Variants in AKAP1 observed in about 807,000 individuals in gnomAD.
AKAP1 encodes the protein A-kinase anchoring protein 1.
A neutral mutation model predicts 79.8 loss-of-function variants in AKAP1; 32 were observed. The ratio of observed to expected loss-of-function variants is 0.40; its 90% confidence interval spans 0.30 to 0.54. The LOEUF (loss-of-function observed/expected upper bound fraction) is 0.54. Among genes scored for constraint, AKAP1 ranks in the 20% least tolerant of loss-of-function variants. The probability of loss-of-function intolerance (pLI) is 0.47; values close to 1 mark genes in which losing one functional copy is unlikely to be tolerated. For missense variants in AKAP1, 961 were observed against 1,138.9 expected, an observed-to-expected ratio of 0.84 and a Z score of 2.25; for synonymous variants, 416 against 466.7, an observed-to-expected ratio of 0.89 and a Z score of 1.40.
intron 5 of AKAP1, among the ~76,000 whole-genome samples, chr17:57,113,710 A>T (rs1021619731): frequency 1.1e-4 from 16 of 143,106 alleles, no homozygotes; most frequent in Non-Finnish European, 2.2e-4. Flanking sequence ...TCAAACGATT[A>T]TCCTGCCCCA....
In AKAP1 at chr17:57,114,543, C is replaced by A. The variant is rs759207365; in HGVS notation, c.2188C>A (p.His730Asn). 6.2e-7 allele frequency: 1 copy of A among 1,614,234 alleles called. No individual in the cohort carries two copies. ...GCACCTGTTCGTGCAGCAGCACACA[C>A]ACCCTACCTTCCACGCGCTGCGCAG... ...AGHLFVQQHT[H>N]PTFHALRSLD... Residue 730 changes from histidine to asparagine, a missense_variant, in exon 6 of 11, where the codon CAC (histidine) becomes AAC (asparagine). By Grantham distance (68) the His-to-Asn change is moderately conservative. Around this residue, in one of 3 missense-constraint regions of AKAP1, gnomAD observed 629 missense variants for 781.1 expected, o/e 0.81. Coordinates refer to ENST00000337714, the MANE Select transcript of AKAP1 (RefSeq NM_003488.4).
At chr17:57,100,402 A>G (rs992339086) in intron 1 of AKAP1, among the ~76,000 whole-genome samples, 3 of 151,210 alleles carry the variant, frequency 2.0e-5, no homozygotes, top group African/African-American at 7.3e-5. Context: ...CCTGGCCAAC[A>G]TGGTGTGAAA....
In AKAP1 at chr17:57,096,974, A is replaced by G. The variant is rs143443028; in HGVS notation, c.-24-8467A>G. 1.7e-3 allele frequency among the ~76,000 whole-genome samples: 260 copies of G among 152,128 alleles called. 1 individual carries two copies. The highest frequency in any genetic ancestry group is 6.1e-3 in the African/African-American group (254 of 41,504). On this transcript the variant is annotated intron_variant, in intron 1 of 10. Transcript: ENST00000337714. The stretch of plus-strand genomic sequence containing the variant: ...ATGACTAAGTGGCTGCCAGTATTGG[A>G]TAGCAGTCACTCTTGAGGGTCACCG...
rs567021364 is a variant in AKAP1, at chr17:57,109,069, C to T, written c.1715-956C>T. 5.3e-5 allele frequency among the ~76,000 whole-genome samples: 8 copies of T among 152,298 alleles called. No individual in the cohort carries two copies. The South Asian group carries it at 1.5e-3, about 28-fold the overall frequency. ...TAGCTGGGAGCAGGATCTCTTGGGC[C>T]TTAGTTCTCTGCATCCAGTGTATGG... On this transcript the variant is annotated intron_variant, in intron 2 of 10. Coordinates refer to ENST00000337714, the MANE Select transcript of AKAP1 (RefSeq NM_003488.4).
At chr17:57,110,202 G>A in intron 3 of AKAP1, 44 bp downstream of exon 3, 6 of 1,607,792 alleles carry the variant, frequency 3.7e-6, no homozygotes, top group Non-Finnish European at 5.1e-6. Flanking sequence ...TAAGCCCAAA[G>A]CTCCCTGGGG....
rs929690178 is a variant in AKAP1, at chr17:57,106,461, A to G, written c.997A>G (p.Arg333Gly). 1.2e-6 allele frequency: 2 copies of G among 1,608,990 alleles called. No individual in the cohort carries two copies. Among genetic ancestry groups the G allele is most frequent in the Non-Finnish European group, 1.7e-6 (2 of 1,175,808 alleles). Reference sequence around the variant, plus strand: ...GGATAGAAATGAGGAGAGCTTGGATAGAAATGAGGAGGGCTTGGATAGAAA... The same window carrying G: ...GGATAGAAATGAGGAGAGCTTGGATGGAAATGAGGAGGGCTTGGATAGAAA... ...GLDRNEESLDRNEEGLDRNEE... is the reference protein window; with the variant it reads ...GLDRNEESLDGNEEGLDRNEE... Residue 333 changes from arginine (R) to glycine (G), a missense_variant, in exon 2 of 11, where the codon AGA becomes GGA. Transcript: ENST00000337714.
rs752533000 is a variant in AKAP1, at chr17:57,106,375, T to G, written c.911T>G (p.Leu304Arg). The change falls in exon 2 of 11, where the codon CTG becomes CGG. Residue 304 changes from leucine to arginine, a missense_variant. Leu to Arg is a moderately radical substitution (Grantham distance 102). This residue lies in a region of AKAP1 where 629 missense variants were observed against 781.1 expected (regional missense o/e 0.81). Transcript: ENST00000337714. ...CAGGATAGAGGTGTCGAGGGAGAAC[T>G]GGGCAATGAGGAGAGCTTGGATAGA... The part of the protein sequence containing the change: ...KAQDRGVEGE[L>R]GNEESLDRNE... 1.2e-6 allele frequency: 2 copies of G among 1,613,430 alleles called. No homozygotes were observed. Among genetic ancestry groups the G allele is most frequent in the Admixed American group, 3.3e-5 (2 of 59,960 alleles).
rs938184253 is a variant in AKAP1 at position 57,086,268 on chromosome 17, G to A, written c.-25+870G>A. On this transcript the variant is annotated intron_variant, in intron 1 of 10. Coordinates refer to ENST00000337714, the MANE Select transcript of AKAP1 (RefSeq NM_003488.4). The surrounding 1 kb of genome is among the most constrained non-coding windows in gnomAD (Gnocchi z 5.1). ...CTGGAGGGACCGCGCCAGTTTTGGG[G>A]TTACGATGTGCTAGGAGAGGCAGTG... 2 of 357,148 alleles carry A rather than the reference G, an allele frequency of 5.6e-6. No individual in the cohort carries two copies. The highest frequency in any genetic ancestry group is 4.4e-5 in the African/African-American group (2 of 45,930). The allele number at this position is 357,148 out of a possible 1,614,324, so 22.1% of individuals were successfully genotyped here. A position where few individuals can be genotyped will look rare whatever the true frequency, so the allele number is the denominator to read the frequency against.
rs1367545978 is a variant in AKAP1, at chr17:57,106,862, A to G, written c.1398A>G (p.Ala466=). 5.0e-6 allele frequency: 8 copies of G among 1,614,054 alleles called. No homozygotes were observed. The highest frequency in any genetic ancestry group is 6.8e-6 in the Non-Finnish European group (8 of 1,179,924). Residue 466 remains alanine (A), a synonymous_variant, in exon 2 of 11, where the codon GCA becomes GCG. Transcript: ENST00000337714. The part of the protein sequence containing the change: ...AHHISLASCL[A]LTTPSEELPD... ...ACATCTCCCTGGCCTCCTGCCTGGCACTGACCACCCCCAGTGAAGAGTTGC... is the reference window on the plus strand; with the variant it reads ...ACATCTCCCTGGCCTCCTGCCTGGCGCTGACCACCCCCAGTGAAGAGTTGC...
Position 57,106,374 on chromosome 17 carries a change from C to A in AKAP1, c.910C>A (p.Leu304Met), listed in dbSNP as rs1219370158. Reference protein sequence around the residue: ...KAQDRGVEGELGNEESLDRNE... With the variant: ...KAQDRGVEGEMGNEESLDRNE... ...CCAGGATAGAGGTGTCGAGGGAGAA[C>A]TGGGCAATGAGGAGAGCTTGGATAG... The change falls in exon 2 of 11, where the codon CTG becomes ATG. Residue 304 changes from leucine (L) to methionine (M), a missense_variant. Around this residue, in one of 3 missense-constraint regions of AKAP1, gnomAD observed 629 missense variants for 781.1 expected, o/e 0.81. Coordinates refer to ENST00000337714, the MANE Select transcript of AKAP1 (RefSeq NM_003488.4). 3 of 1,613,754 alleles carry A rather than the reference C, an allele frequency of 1.9e-6. No homozygotes were observed. Among genetic ancestry groups the A allele is most frequent in the East Asian group, 4.5e-5 (2 of 44,842 alleles).
intron 10 of AKAP1, 139 bp downstream of exon 10, chr17:57,119,183 G>A: frequency 1.1e-6 from 1 of 901,912 alleles, no homozygotes; most frequent in East Asian, 2.4e-5. Context: ...GAACACTTTG[G>A]ATGTCCTGAT....
chr17:57,117,246 C>T (rs919161186), intron 8 of AKAP1, among the ~76,000 whole-genome samples: 24 of 152,122 alleles, frequency 1.6e-4, no homozygotes, highest in Admixed American at 9.8e-4. Flanking sequence ...TGGTTGAGGG[C>T]GTGCTGGTCA....
intron 1 of AKAP1, among the ~76,000 whole-genome samples, chr17:57,089,443 CTAAT>C (rs1418609253): frequency 9.2e-5 from 14 of 152,224 alleles, no homozygotes; most frequent in African/African-American, 3.4e-4. Flanking sequence ...AGCTGTGTGA[CTAAT>C]TAAACTTTTC....
chr17:57,112,433 TG>T lies in AKAP1; in HGVS notation c.1976-57del. 3 of 1,581,242 alleles carry T rather than the reference TG, an allele frequency of 1.9e-6. No homozygotes were observed. In the South Asian group the frequency reaches 3.5e-5, roughly 19 times the overall value. On this transcript the variant is annotated intron_variant, in intron 4 of 10. Coordinates refer to ENST00000337714, the MANE Select transcript of AKAP1 (RefSeq NM_003488.4). The stretch of plus-strand genomic sequence containing the variant: ...GGGTCTGTGGCTGTGTTTTTGTGAG[TG>T]TGGGTGTGAGTTTCCTCTTACAGTG...
In AKAP1 at chr17:57,106,102, A is replaced by G. The variant is rs1324909712; in HGVS notation, c.638A>G (p.Lys213Arg). ...ACTGGTGATGCCGTGTTGGGGGAAA[A>G]GGTGCTTGAAGAAGCTCTGTTGTCT... ...EGTGDAVLGEKVLEEALLSRE... is the reference protein window; with the variant it reads ...EGTGDAVLGERVLEEALLSRE... Residue 213 changes from lysine to arginine, a missense_variant, in exon 2 of 11, where the codon AAG becomes AGG. Coordinates refer to ENST00000337714, the MANE Select transcript of AKAP1 (RefSeq NM_003488.4). The G allele has an allele frequency of 6.2e-7, 1 of 1,605,094 alleles. No individual in the cohort carries two copies. Among genetic ancestry groups the G allele is most frequent in the South Asian group, 1.1e-5 (1 of 90,218 alleles).
intron 1 of AKAP1, among the ~76,000 whole-genome samples, chr17:57,088,068 C>T (rs1266880816): frequency 6.6e-6 from 1 of 152,184 alleles, no homozygotes; most frequent in Non-Finnish European, 1.5e-5. Flanking sequence ...ATCCTGTGGG[C>T]ATCTTGTCCC....
At chr17:57,100,983 C>G (rs1339571758) in intron 1 of AKAP1, among the ~76,000 whole-genome samples, 2 of 152,150 alleles carry the variant, frequency 1.3e-5, no homozygotes, top group African/African-American at 4.8e-5. Context: ...GAGCCAAGAT[C>G]ACACCATTGC....
chr17:57,095,369 A>G (rs979137025), intron 1 of AKAP1: 1 of 150,610 alleles, frequency 6.6e-6, no homozygotes, highest in African/African-American at 2.4e-5. Flanking sequence ...AGGTCTCACT[A>G]TATTGCCCAG....
intron 6 of AKAP1, 40 bp from the exon 7 acceptor site, chr17:57,116,071 T>C (rs755236176): frequency 2.5e-6 from 4 of 1,599,542 alleles, no homozygotes; most frequent in Admixed American, 3.4e-5. Context: ...TGCCCTGCCC[T>C]GGCCCAGGCG....
Sources: allele counts gnomAD v4.1 joint callset (sites outside exome capture counted in the v4.1 genomes callset), GRCh38; gene constraint gnomAD v4.1.1; regional missense constraint gnomAD v4.1.1; non-coding constraint Gnocchi (gnomAD v3.1); transcripts MANE v1.5; gene names NCBI Gene and HGNC (gene_info 2026-07-23, HGNC 2026-07-21).